The following MKLN1 variants were observed in gnomAD, a reference collection of about 807,000 sequenced individuals.
MKLN1 encodes the protein muskelin.
In MKLN1, 18 loss-of-function variants were observed where a neutral mutation model predicts 99.0. That is an observed-to-expected ratio of 0.18 (90% CI 0.13 to 0.27). The LOEUF (loss-of-function observed/expected upper bound fraction) is 0.27. Among genes scored for constraint, MKLN1 ranks in the 10% least tolerant of loss-of-function variants. The pLI is 1.00. For synonymous variants in MKLN1, 288 were observed against 293.2 expected, an observed-to-expected ratio of 0.98 and a Z score of 0.18; for missense variants, 621 against 875.9, an observed-to-expected ratio of 0.71 and a Z score of 3.67.
chr7:131,185,492 C>G (rs1796436790), intron 2 of MKLN1, among the ~76,000 whole-genome samples: 1 of 151,744 alleles, frequency 6.6e-6, no homozygotes, highest in Non-Finnish European at 1.5e-5. Flanking sequence ...GAGGCTGAGG[C>G]TGGAGAATCG....
At chr7:131,448,394 G>A (rs561247161) in intron 12 of MKLN1, among the ~76,000 whole-genome samples, 2 of 152,214 alleles carry the variant, frequency 1.3e-5, no homozygotes, top group South Asian at 4.1e-4. Flanking sequence ...TCATGGTTAT[G>A]GCTAGCTTTA....
At chr7:131,240,978 G>A (rs1797393398) in intron 3 of MKLN1, among the ~76,000 whole-genome samples, 1 of 152,212 alleles carries the variant, frequency 6.6e-6, no homozygotes, top group Non-Finnish European at 1.5e-5. Flanking sequence ...CCAAGATTTA[G>A]AACTAGGCAG....
intron 3 of MKLN1, among the ~76,000 whole-genome samples, chr7:131,251,610 C>T (rs1797579498): frequency 6.6e-6 from 1 of 151,836 alleles, no homozygotes; most frequent in Non-Finnish European, 1.5e-5. Context: ...TGGAGGCAAA[C>T]TTTGCTCCAA....
chr7:131,351,153 C>T (rs977966875), intron 1 of MKLN1, among the ~76,000 whole-genome samples: 3 of 151,920 alleles, frequency 2.0e-5, no homozygotes, highest in African/African-American at 7.2e-5. Flanking sequence ...GAGGCTGAGG[C>T]AAGAGGATTG....
intron 1 of MKLN1, among the ~76,000 whole-genome samples, chr7:131,352,144 T>A (rs546543561): frequency 6.6e-6 from 1 of 152,332 alleles, no homozygotes; most frequent in East Asian, 1.9e-4. Flanking sequence ...TTATGAACAT[T>A]AGTCTCTTTA....
intron 8 of MKLN1, among the ~76,000 whole-genome samples, chr7:131,422,084 A>G (rs191550915): frequency 3.9e-5 from 6 of 152,358 alleles, no homozygotes; most frequent in Non-Finnish European, 1.5e-5. Context: ...GTAGTAAAAT[A>G]TAGTTTAAAG....
Position 131,160,006 on chromosome 7 carries a change from C to T in MKLN1, c.-297+17065C>T, listed in dbSNP as rs554527320. ...ACACAGGCTGCCTGGCTCCAGAGCC[C>T]GAGCCTAGCTCCAGAACACTTCCGT... On this transcript the variant is annotated intron_variant, in intron 2 of 7. Transcript: ENST00000416992. Among the ~76,000 whole-genome samples, 11 of 152,088 alleles carry T rather than the reference C, an allele frequency of 7.2e-5. No homozygotes were observed. The South Asian group carries it at 1.7e-3, about 23-fold the overall frequency.
chr7:131,307,115 A>C (rs1798478871), intron 3 of MKLN1, among the ~76,000 whole-genome samples: 1 of 152,064 alleles, frequency 6.6e-6, no homozygotes, highest in African/African-American at 2.4e-5. Context: ...GCCAAGGTAC[A>C]GCTTGGGCTG....
chr7:131,219,630 A>G (rs1797032917), intron 3 of MKLN1, among the ~76,000 whole-genome samples: 2 of 152,042 alleles, frequency 1.3e-5, no homozygotes, highest in African/African-American at 4.8e-5. Flanking sequence ...AGTCTGTGAA[A>G]TGAAATCATT....
In MKLN1 at chr7:131,223,347, A is replaced by G. The variant is rs531851299; in HGVS notation, c.-179+20373A>G. Among the ~76,000 whole-genome samples, 8 of 152,356 alleles carry G rather than the reference A, an allele frequency of 5.3e-5. No homozygotes were observed. In the East Asian group the frequency reaches 1.5e-3, roughly 29 times the overall value. ...TTCCTTACTCTGGAAGACCGTAGCC[A>G]TAGCTCGGAACATCACAGGTACTCT... On this transcript the variant is annotated intron_variant, in intron 3 of 7. Transcript: ENST00000416992.
At chr7:131,438,570 A>C (rs75529214) in intron 10 of MKLN1, among the ~76,000 whole-genome samples, 4,679 of 151,272 alleles carry the variant, frequency 0.031, 222 homozygotes, top group African/African-American at 0.11. Context: ...TAATATTAAT[A>C]TACATGTAGC....
chr7:131,439,822 G>T (rs1004870249), intron 10 of MKLN1, among the ~76,000 whole-genome samples: 12 of 151,400 alleles, frequency 7.9e-5, no homozygotes, highest in Admixed American at 6.6e-5. Context: ...ATGTTGCTTT[G>T]TGTGGTTTTC....
At chr7:131,367,831 C>T (rs747120832) in intron 1 of MKLN1, among the ~76,000 whole-genome samples, 27 of 152,158 alleles carry the variant, frequency 1.8e-4, no homozygotes, top group African/African-American at 2.4e-5. Context: ...GTAAAAATCA[C>T]ATGTACAAAG....
At chr7:131,123,672 C>T (rs1225501639) in intron 1 of MKLN1, among the ~76,000 whole-genome samples, 1 of 152,052 alleles carries the variant, frequency 6.6e-6, no homozygotes, top group Admixed American at 6.6e-5. Context: ...CCTGTAATCC[C>T]AGCTACTTGG....
At chr7:131,298,245 T>C (rs1798324415) in intron 3 of MKLN1, among the ~76,000 whole-genome samples, 1 of 151,118 alleles carries the variant, frequency 6.6e-6, no homozygotes, top group South Asian at 2.1e-4. Context: ...CACTCCAGCC[T>C]GGGCGACAGA....
At chr7:131,120,283 T>C (rs891466602) in intron 1 of MKLN1, among the ~76,000 whole-genome samples, 6 of 151,600 alleles carry the variant, frequency 4.0e-5, no homozygotes, top group Admixed American at 1.3e-4. Flanking sequence ...CCCAGCACTT[T>C]GGGAGGCCGA....
chr7:131,160,828 C>G (rs1796037293), intron 2 of MKLN1, among the ~76,000 whole-genome samples: 1 of 151,956 alleles, frequency 6.6e-6, no homozygotes, highest in Non-Finnish European at 1.5e-5. Flanking sequence ...CCGCACCTGG[C>G]CCTATGTTTA....
intron 4 of MKLN1, among the ~76,000 whole-genome samples, chr7:131,389,519 TA>T (rs1794131419): frequency 6.6e-6 from 1 of 152,186 alleles, no homozygotes; most frequent in Admixed American, 6.5e-5. Flanking sequence ...GACCCATCGA[TA>T]GGTTGCAAAT....
chr7:131,392,554 A>C (rs2116897249), intron 4 of MKLN1, among the ~76,000 whole-genome samples: 1 of 151,210 alleles, frequency 6.6e-6, no homozygotes, highest in Non-Finnish European at 1.5e-5. Flanking sequence ...TAGTAGATGC[A>C]CTCTTTCAGA....
Sources: allele counts gnomAD v4.1 joint callset (sites outside exome capture counted in the v4.1 genomes callset), GRCh38; gene constraint gnomAD v4.1.1; transcripts MANE v1.5; gene names NCBI Gene and HGNC (gene_info 2026-07-23, HGNC 2026-07-21).